TUSC3: variants seen among roughly 807,000 people sequenced by gnomAD.
TUSC3 encodes the protein dolichyl-diphosphooligosaccharide--protein glycosyltransferase subunit TUSC3.
Under a neutral mutation model 44.8 loss-of-function variants are expected in TUSC3, and 45 were observed. The observed-to-expected ratio is 1.00, with a 90% CI of 0.79 to 1.29. The LOEUF is 1.29. TUSC3 is among the 50% of genes most tolerant of loss of function. The pLI is 0.00. For synonymous variants in TUSC3, 212 were observed against 152.9 expected, an observed-to-expected ratio of 1.39 and a Z score of -2.85; for missense variants, 519 against 437.9, an observed-to-expected ratio of 1.19 and a Z score of -1.65.
rs533118204 is a variant in TUSC3 at position 15,659,368 on chromosome 8, A to G, written c.427-139A>G. Reference sequence around the variant, plus strand: ...CAGTAGTGAATTAAGACAAATAAAAACAGAAATTTACCTCTGGAAAACCAC... The same window carrying G: ...CAGTAGTGAATTAAGACAAATAAAAGCAGAAATTTACCTCTGGAAAACCAC... On this transcript the variant is annotated intron_variant, in intron 3 of 10. Coordinates refer to ENST00000503731, the MANE Select transcript of TUSC3 (RefSeq NM_006765.4). The G allele has an allele frequency of 9.7e-6, 10 of 1,035,970 alleles. No homozygotes were observed. In the African/African-American group the frequency reaches 1.3e-4, roughly 13 times the overall value. The allele number at this position is 1,035,970 out of a possible 1,614,324, so 64.2% of individuals were successfully genotyped here.
chr8:15,618,042 A>C (rs1371566414), intron 1 of TUSC3, among the ~76,000 whole-genome samples: 1 of 152,160 alleles, frequency 6.6e-6, no homozygotes, highest in African/African-American at 2.4e-5. Flanking sequence ...TAAATTTAGA[A>C]ATGGTACAGC....
the TUSC3 span, among the ~76,000 whole-genome samples, chr8:15,833,920 G>T: frequency 6.6e-6 from 1 of 151,652 alleles, no homozygotes; most frequent in African/African-American, 2.4e-5. Context: ...TATAGAGAAC[G>T]TTTACTGATC....
At chr8:15,589,879 A>T (rs750156532) in intron 1 of TUSC3, among the ~76,000 whole-genome samples, 28 of 152,218 alleles carry the variant, frequency 1.8e-4, no homozygotes, top group Non-Finnish European at 3.5e-4. Context: ...CGAAATAAGT[A>T]TAAATTCTCA....
intron 2 of TUSC3, among the ~76,000 whole-genome samples, chr8:15,509,111 T>A (rs1413982165): frequency 1.3e-5 from 2 of 152,084 alleles, no homozygotes; most frequent in East Asian, 3.9e-4. Context: ...AAAGAATAGC[T>A]GAGGAACAGT....
chr8:15,807,981 C>A, the TUSC3 span, among the ~76,000 whole-genome samples: 704 of 86,970 alleles, frequency 8.1e-3, 11 homozygotes, highest in African/African-American at 0.028. Context: ...ATAACCATGT[C>A]ACATACCTGT....
At chr8:15,731,451 A>C (rs922069594) in intron 7 of TUSC3, among the ~76,000 whole-genome samples, 2 of 152,156 alleles carry the variant, frequency 1.3e-5, no homozygotes, top group Non-Finnish European at 2.9e-5. Flanking sequence ...TTCATATTCA[A>C]ATGTGTAGTC....
At chr8:15,611,918 C>T (rs936284617) in intron 1 of TUSC3, among the ~76,000 whole-genome samples, 3 of 152,112 alleles carry the variant, frequency 2.0e-5, no homozygotes, top group Admixed American at 6.5e-5. Flanking sequence ...AAATGCAAAA[C>T]GATATGCATC....
At chr8:15,458,575 A>G (rs184578159) in intron 1 of TUSC3, among the ~76,000 whole-genome samples, 15 of 152,274 alleles carry the variant, frequency 9.9e-5, no homozygotes, top group Non-Finnish European at 2.1e-4. Flanking sequence ...CGTGTTAAAT[A>G]AAAGCAGGCT....
chr8:15,810,529 T>A, the TUSC3 span, among the ~76,000 whole-genome samples: 5 of 151,968 alleles, frequency 3.3e-5, no homozygotes, highest in African/African-American at 1.2e-4. Flanking sequence ...TCCCAGCTAC[T>A]TGGGAGGCTG....
chr8:15,490,166 C>G (rs896623021), intron 2 of TUSC3, among the ~76,000 whole-genome samples: 1 of 152,108 alleles, frequency 6.6e-6, no homozygotes, highest in Non-Finnish European at 1.5e-5. Flanking sequence ...GCTAGAACAA[C>G]AAACAAGTGA....
intron 6 of TUSC3, among the ~76,000 whole-genome samples, chr8:15,729,345 G>C (rs10503548): frequency 0.035 from 5,254 of 152,238 alleles, 119 homozygotes; most frequent in Non-Finnish European, 0.049. Context: ...TATACAAACA[G>C]TCCTAGGTTT....
intron 1 of TUSC3, among the ~76,000 whole-genome samples, chr8:15,602,744 G>A (rs1379825586): frequency 1.3e-5 from 2 of 150,036 alleles, no homozygotes; most frequent in South Asian, 2.1e-4. Flanking sequence ...ACAAAATATG[G>A]GTTGTATGGA....
At chr8:15,728,207 G>A (rs185125714) in intron 6 of TUSC3, among the ~76,000 whole-genome samples, 2 of 152,252 alleles carry the variant, frequency 1.3e-5, no homozygotes, top group African/African-American at 2.4e-5. Flanking sequence ...GCAAAGTAAT[G>A]ATAGGATAGT....
At chr8:15,527,647 C>G (rs925697441) in intron 2 of TUSC3, among the ~76,000 whole-genome samples, 15 of 152,138 alleles carry the variant, frequency 9.9e-5, no homozygotes, top group Non-Finnish European at 1.8e-4. Context: ...TCAAGGGAAC[C>G]TCCCATGTTG....
At chr8:15,750,101 T>TCCCGAGTAGCTGGGACTA (rs1238008285) in intron 9 of TUSC3, among the ~76,000 whole-genome samples, 3 of 151,118 alleles carry the variant, frequency 2.0e-5, no homozygotes, top group Non-Finnish European at 4.4e-5. Flanking sequence ...TGCCTCAGCC[T>TCCCGAGTAGCTGGGACTA]CCCGAGTAGC....
rs771066813 is a variant in TUSC3 at position 15,623,163 on chromosome 8, A to G, written c.222A>G (p.Arg74=). 6.2e-7 allele frequency: 1 copy of G among 1,613,916 alleles called. No homozygotes were observed. The highest frequency in any genetic ancestry group is 1.1e-5 in the South Asian group (1 of 91,018). The change falls in exon 2 of 11, where the codon CGA becomes CGG. Residue 74 remains arginine (R), a synonymous_variant. Transcript: ENST00000503731. The part of the protein sequence containing the change: ...SIFRMNGDKF[R]KFIKAPPRNY... ...TCCGAATGAATGGTGATAAATTCCG[A>G]AAATTTATAAAGGCACCACCTCGAA...
At chr8:15,741,342 A>AAATG (rs1355664260) in intron 7 of TUSC3, among the ~76,000 whole-genome samples, 2 of 152,226 alleles carry the variant, frequency 1.3e-5, no homozygotes, top group African/African-American at 2.4e-5. Context: ...ATGAATCATA[A>AAATG]AATGAATGTA....
intron 6 of TUSC3, among the ~76,000 whole-genome samples, chr8:15,720,186 TA>T (rs1810240906): frequency 8.1e-6 from 1 of 123,882 alleles, no homozygotes. Flanking sequence ...TTGTTAAATA[TA>T]GTGTATATAT....
intron 7 of TUSC3, among the ~76,000 whole-genome samples, chr8:15,739,047 G>T (rs904843661): frequency 1.3e-5 from 2 of 151,468 alleles, no homozygotes; most frequent in Admixed American, 6.6e-5. Context: ...TGGCCAGGCT[G>T]GTCTTGAACT....
Sources: gnomAD v4.1 joint callset for allele counts (sites outside exome capture counted in the v4.1 genomes callset) on GRCh38, gnomAD v4.1.1 for gene constraint, MANE v1.5 for transcripts, NCBI Gene and HGNC (gene_info 2026-07-23, HGNC 2026-07-21) for gene names.